Variants in SDK1 observed in about 807,000 individuals in gnomAD.
SDK1 encodes the protein protein sidekick-1.
Under a neutral mutation model 245.5 loss-of-function variants are expected in SDK1, and 157 were observed. That is an observed-to-expected ratio of 0.64 (90% CI 0.56 to 0.73). The LOEUF is 0.73. Among genes scored for constraint, SDK1 ranks in the 30% least tolerant of loss-of-function variants. The probability of loss-of-function intolerance (pLI) is 0.00; values close to 1 mark genes in which losing one functional copy is unlikely to be tolerated. For synonymous variants in SDK1, 1,647 were observed against 1,278.5 expected (o/e 1.29, Z -6.15); for missense variants, 3,583 against 3,002.3 (o/e 1.19, Z -4.52).
intron 5 of SDK1, among the ~76,000 whole-genome samples, chr7:3,869,863 A>G (rs1171506328): frequency 6.6e-6 from 1 of 152,140 alleles, no homozygotes; most frequent in Non-Finnish European, 1.5e-5. Context: ...CAAATAATAC[A>G]TTGGTTCCTT....
chr7:4,069,387 C>T (rs1265929072), intron 20 of SDK1, among the ~76,000 whole-genome samples: 1 of 152,272 alleles, frequency 6.6e-6, no homozygotes, highest in African/African-American at 2.4e-5. Flanking sequence ...ACTTCTGTGT[C>T]AGCCCTCTCT....
chr7:3,435,554 G>A (rs553228018), intron 1 of SDK1, among the ~76,000 whole-genome samples: 2 of 151,540 alleles, frequency 1.3e-5, no homozygotes, highest in South Asian at 2.1e-4. Context: ...TAGTAGAGAC[G>A]GGGTTTCACC....
intron 1 of SDK1, among the ~76,000 whole-genome samples, chr7:3,580,265 C>A (rs1485899965): frequency 1.3e-5 from 2 of 152,184 alleles, no homozygotes; most frequent in African/African-American, 4.8e-5. Context: ...CTACCCATAA[C>A]ATTCTTCACA....
rs368346747 is a variant in SDK1, at chr7:4,177,050, C to A, written c.4996+1216C>A. Among the ~76,000 whole-genome samples the A allele has an allele frequency of 4.4e-3, 664 of 152,320 alleles. 6 individuals carry two copies. The highest frequency in any genetic ancestry group is 0.015 in the African/African-American group (617 of 41,570). The stretch of plus-strand genomic sequence containing the variant: ...AGGCAGGAGGGAGGGGCTGGCCCTC[C>A]CCGAGCCTATGTTGTGTTCAGGCAT... On this transcript the variant is annotated intron_variant, in intron 34 of 44. Coordinates refer to ENST00000404826, the MANE Select transcript of SDK1 (RefSeq NM_152744.4).
intron 17 of SDK1, among the ~76,000 whole-genome samples, chr7:4,046,652 C>T (rs1490050797): frequency 6.6e-6 from 1 of 152,190 alleles, no homozygotes; most frequent in Non-Finnish European, 1.5e-5. Context: ...TCCAGCCCTT[C>T]TCCAGTAACA....
chr7:3,875,517 G>GT (rs1781054472), intron 5 of SDK1, among the ~76,000 whole-genome samples: 1 of 152,262 alleles, frequency 6.6e-6, no homozygotes, highest in Non-Finnish European at 1.5e-5. Flanking sequence ...ATGCAATCGT[G>GT]TGTCAAGCTG....
intron 1 of SDK1, among the ~76,000 whole-genome samples, chr7:3,581,671 G>A (rs751346724): frequency 5.3e-5 from 8 of 152,156 alleles, no homozygotes; most frequent in African/African-American, 1.2e-4. Flanking sequence ...AATGTAAATC[G>A]TTCTACGACA....
At chr7:3,403,068 G>C (rs1048858300) in intron 1 of SDK1, among the ~76,000 whole-genome samples, 5 of 152,062 alleles carry the variant, frequency 3.3e-5, no homozygotes, top group African/African-American at 1.2e-4. Context: ...CCCAGTAGCT[G>C]GGATTACAGC....
Position 4,237,606 on chromosome 7 carries a change from C to T in SDK1, c.5993-41C>T, listed in dbSNP as rs987023166. The T allele has an allele frequency of 9.9e-6, 16 of 1,612,102 alleles. No homozygotes were observed. The Middle Eastern group carries it at 4.9e-4, about 50-fold the overall frequency. ...TCGCGGGAGGTGACTGCAGCTGGAG[C>T]GTCTGCCCCATGTCATTGTGTGTCC... On this transcript the variant is annotated intron_variant, in intron 41 of 44. Transcript: ENST00000404826.
At chr7:4,206,706 A>G (rs1784245766) in intron 36 of SDK1, among the ~76,000 whole-genome samples, 1 of 152,116 alleles carries the variant, frequency 6.6e-6, no homozygotes, top group African/African-American at 2.4e-5. Context: ...CTTAGAGAGT[A>G]CAGGGCCCAT....
At chr7:3,996,172 G>T (rs1321982178) in intron 14 of SDK1, among the ~76,000 whole-genome samples, 1 of 151,856 alleles carries the variant, frequency 6.6e-6, no homozygotes, top group Non-Finnish European at 1.5e-5. Flanking sequence ...ATTTATTTAT[G>T]GTGTCTCCCT....
chr7:3,694,428 G>A (rs1346963847), intron 4 of SDK1, among the ~76,000 whole-genome samples: 1 of 152,188 alleles, frequency 6.6e-6, no homozygotes. Context: ...CGCTTGGCAA[G>A]CGGGGAATAG....
intron 1 of SDK1, among the ~76,000 whole-genome samples, chr7:3,587,680 C>T (rs548875201): frequency 7.9e-5 from 12 of 152,310 alleles, no homozygotes; most frequent in Admixed American, 3.9e-4. Context: ...TGATCTTCTC[C>T]GGAAATACCT....
Position 3,627,764 on chromosome 7 carries a change from A to C in SDK1, c.458+8525A>C, listed in dbSNP as rs867904194. On this transcript the variant is annotated intron_variant, in intron 2 of 44. Transcript: ENST00000404826. Reference sequence around the variant, plus strand: ...GAGAAGAAATCTAAATGACACCCACAGTTGAGTCATCCTCTTCAACTGATC... The same window carrying C: ...GAGAAGAAATCTAAATGACACCCACCGTTGAGTCATCCTCTTCAACTGATC... 2.0e-5 allele frequency among the ~76,000 whole-genome samples: 3 copies of C among 152,208 alleles called. No homozygotes were observed. The East Asian group carries it at 5.8e-4, about 29-fold the overall frequency.
intron 5 of SDK1, among the ~76,000 whole-genome samples, chr7:3,910,034 G>C (rs1779109915): frequency 6.6e-6 from 1 of 152,184 alleles, no homozygotes; most frequent in Non-Finnish European, 1.5e-5. Flanking sequence ...CCATCTGAAA[G>C]GACTGTTCAC....
At chr7:3,789,876 C>T (rs970508236) in intron 4 of SDK1, among the ~76,000 whole-genome samples, 2 of 151,384 alleles carry the variant, frequency 1.3e-5, no homozygotes, top group African/African-American at 4.9e-5. Flanking sequence ...TCAGTTTACC[C>T]GCGCACCCTG....
At chr7:3,622,002 A>G (rs1170675228) in intron 2 of SDK1, among the ~76,000 whole-genome samples, 1 of 152,104 alleles carries the variant, frequency 6.6e-6, no homozygotes, top group African/African-American at 2.4e-5. Flanking sequence ...TTTGTGTTGG[A>G]TGATTTTGCC....
chr7:3,317,067 G>A (rs1325319788), intron 1 of SDK1, among the ~76,000 whole-genome samples: 2 of 150,800 alleles, frequency 1.3e-5, no homozygotes, highest in East Asian at 3.9e-4. Context: ...TGTCGTCCCA[G>A]CTACTTGAGG....
chr7:4,021,398 T>C (rs978405056), intron 17 of SDK1, among the ~76,000 whole-genome samples: 1 of 152,086 alleles, frequency 6.6e-6, no homozygotes, highest in African/African-American at 2.4e-5. Context: ...GCTATCTGTG[T>C]TGCTTAGGAA....
Sources: gnomAD v4.1 joint callset for allele counts (sites outside exome capture counted in the v4.1 genomes callset) on GRCh38, gnomAD v4.1.1 for gene constraint, MANE v1.5 for transcripts, NCBI Gene and HGNC (gene_info 2026-07-23, HGNC 2026-07-21) for gene names.